Variants in RBM47 observed in about 807,000 individuals in gnomAD.
RBM47 encodes RNA binding motif protein 47.
RBM47 carries 21 observed loss-of-function variants against 47.1 expected under a neutral mutation model. The observed-to-expected ratio is 0.45, with a 90% CI of 0.32 to 0.64. The LOEUF is 0.64. RBM47 is among the 30% of genes least tolerant of loss of function. RBM47 has a pLI of 0.05. For synonymous variants in RBM47, 375 were observed against 361.7 expected (o/e 1.04, Z -0.42); for missense variants, 708 against 870.9 (o/e 0.81, Z 2.35).
At chr4:40,604,757 C>T (rs1231333295) in intron 1 of RBM47, among the ~76,000 whole-genome samples, 1 of 152,116 alleles carries the variant, frequency 6.6e-6, no homozygotes, top group African/African-American at 2.4e-5. Context: ...CGCTCTGTCG[C>T]CCAGGCTGGA....
At chr4:40,473,453 G>C (rs1439901111) in intron 2 of RBM47, among the ~76,000 whole-genome samples, 1 of 152,166 alleles carries the variant, frequency 6.6e-6, no homozygotes, top group Non-Finnish European at 1.5e-5. Flanking sequence ...ATATATTACA[G>C]CTTCAGAGTC....
At chr4:40,613,805 TA>T (rs879754995) in intron 1 of RBM47, among the ~76,000 whole-genome samples, 2,026 of 134,840 alleles carry the variant, frequency 0.015, 38 homozygotes, top group African/African-American at 0.04. Flanking sequence ...AAATAAAACT[TA>T]AAAAAAAAAA....
intron 3 of RBM47, 38 bp from the exon 4 acceptor site, chr4:40,438,962 G>C: frequency 6.9e-7 from 1 of 1,440,828 alleles, no homozygotes; most frequent in Admixed American, 2.6e-5. Context: ...GGGAACCGCT[G>C]GATCTTGCCT....
At chr4:40,459,765 A>G (rs1473656161) in intron 3 of RBM47, among the ~76,000 whole-genome samples, 1 of 151,806 alleles carries the variant, frequency 6.6e-6, no homozygotes, top group East Asian at 1.9e-4. Flanking sequence ...TTTGAGACAG[A>G]GTTTCATTCT....
At chr4:40,584,325 T>C (rs1733326894) in intron 1 of RBM47, among the ~76,000 whole-genome samples, 2 of 152,106 alleles carry the variant, frequency 1.3e-5, no homozygotes. Context: ...GGTAAGCTGG[T>C]AAAAACCCTG....
At chr4:40,514,190 T>G (rs1459406826) in intron 2 of RBM47, among the ~76,000 whole-genome samples, 1 of 152,102 alleles carries the variant, frequency 6.6e-6, no homozygotes, top group Non-Finnish European at 1.5e-5. Context: ...GGTTACACAT[T>G]GCCTCCCAGA....
chr4:40,583,052 G>A (rs1327937665), intron 1 of RBM47, among the ~76,000 whole-genome samples: 1 of 152,196 alleles, frequency 6.6e-6, no homozygotes, highest in African/African-American at 2.4e-5. Context: ...GTACAGAAGA[G>A]ACAGGGAAAA....
In RBM47 at chr4:40,432,844, C is replaced by G. The variant is rs1711558394; in HGVS notation, c.1349G>C (p.Gly450Ala). The change falls in exon 6 of 7, where the codon GGG becomes GCG. Residue 450 changes from glycine (G) to alanine (A), a missense_variant. Physicochemically the swap from Gly to Ala is moderately conservative, Grantham distance 60. Transcript: ENST00000295971. ...KPGTVAIPAI[G>A]AQYSMFPAAP... is the part of the protein sequence containing the mutation. ...TGCTGGAAACATGGAATACTGAGCC[C>G]CAATGGCAGGGATGGCTACTGCAAG... 23 of 1,612,998 alleles carry G rather than the reference C, an allele frequency of 1.4e-5. No individual in the cohort carries two copies. In the Middle Eastern group the frequency reaches 9.9e-4, roughly 70 times the overall value.
chr4:40,626,694 C>T (rs1737771068), intron 1 of RBM47, among the ~76,000 whole-genome samples: 1 of 152,116 alleles, frequency 6.6e-6, no homozygotes, highest in Admixed American at 6.5e-5. Context: ...GATCGCCCTC[C>T]CCACTGCCTC....
chr4:40,445,289 A>G (rs1714366322), intron 3 of RBM47, among the ~76,000 whole-genome samples: 1 of 152,000 alleles, frequency 6.6e-6, no homozygotes, highest in Non-Finnish European at 1.5e-5. Flanking sequence ...AAAAAAAAAA[A>G]AAAGACAGTG....
At chr4:40,603,327 CACAATTTTTTAATTCATCT>C (rs1260193339) in intron 1 of RBM47, among the ~76,000 whole-genome samples, 12 of 152,014 alleles carry the variant, frequency 7.9e-5, no homozygotes, top group Non-Finnish European at 1.8e-4. Flanking sequence ...ATGAATAAGC[CACAATTTTTTAATTCATCT>C]ACTATTAATG....
At chr4:40,609,391 T>C (rs1255290244) in intron 1 of RBM47, among the ~76,000 whole-genome samples, 2 of 151,030 alleles carry the variant, frequency 1.3e-5, no homozygotes, top group Admixed American at 6.6e-5. Flanking sequence ...TGGCTCACGG[T>C]AACCTCCGCC....
chr4:40,572,780 A>G (rs963328616), intron 1 of RBM47, among the ~76,000 whole-genome samples: 2 of 151,890 alleles, frequency 1.3e-5, no homozygotes, highest in Admixed American at 6.6e-5. Context: ...AGTCTTCAAC[A>G]TTATGCATTC....
At chr4:40,430,229 CAAAA>C (rs762752275) in intron 6 of RBM47, among the ~76,000 whole-genome samples, 78 of 119,496 alleles carry the variant, frequency 6.5e-4, no homozygotes, top group Non-Finnish European at 7.3e-4. Context: ...AACAAACAAA[CAAAA>C]AAAGACAAAA....
chr4:40,545,329 G>T (rs1326492981), intron 1 of RBM47, among the ~76,000 whole-genome samples: 10 of 149,184 alleles, frequency 6.7e-5, no homozygotes, highest in Admixed American at 1.3e-4. Context: ...GGGATTACAG[G>T]CGTGAGCCAC....
intron 2 of RBM47, among the ~76,000 whole-genome samples, chr4:40,507,107 C>A (rs1224635902): frequency 1.3e-5 from 2 of 152,112 alleles, no homozygotes; most frequent in Non-Finnish European, 2.9e-5. Flanking sequence ...AAGGCATGCG[C>A]CACCACATCT....
chr4:40,471,443 A>G (rs1246314824), intron 2 of RBM47, among the ~76,000 whole-genome samples: 1 of 152,126 alleles, frequency 6.6e-6, no homozygotes, highest in Non-Finnish European at 1.5e-5. Flanking sequence ...CACGCCTGTA[A>G]TCCCAGCACT....
intron 1 of RBM47, among the ~76,000 whole-genome samples, chr4:40,619,776 G>C (rs1195146005): frequency 1.3e-5 from 2 of 152,114 alleles, no homozygotes; most frequent in African/African-American, 4.8e-5. Context: ...TGGGTTCCTG[G>C]TTCCTTCAGA....
At position 40,502,592 on chromosome 4, in the gene RBM47, C is replaced by A. The variant is rs185699083; in HGVS notation, c.-154-35893G>T. Among the ~76,000 whole-genome samples the A allele has an allele frequency of 2.8e-3, 419 of 152,296 alleles. 4 individuals carry two copies. The highest frequency in any genetic ancestry group is 9.8e-3 in the African/African-American group (407 of 41,572). On this transcript the variant is annotated intron_variant, in intron 2 of 6. Transcript: ENST00000295971. ...GGGTGCAGTGGCTCAGGCCTGTAATCCCAGCATTTTGGGAAGCTGAGGCAG... is the reference window on the plus strand; with the variant it reads ...GGGTGCAGTGGCTCAGGCCTGTAATACCAGCATTTTGGGAAGCTGAGGCAG...
Sources: allele counts gnomAD v4.1 joint callset (sites outside exome capture counted in the v4.1 genomes callset), GRCh38; gene constraint gnomAD v4.1.1; transcripts MANE v1.5; gene names NCBI Gene and HGNC (gene_info 2026-07-23, HGNC 2026-07-21).